Variants in PSPC1 observed in about 807,000 individuals in gnomAD.
PSPC1 encodes the protein paraspeckle component 1, also known as paraspeckle protein 1.
PSPC1 carries 14 observed loss-of-function variants against 51.6 expected under a neutral mutation model. That is an observed-to-expected ratio of 0.27 (90% CI 0.18 to 0.42). PSPC1 has a LOEUF of 0.42. Ranked by LOEUF, PSPC1 falls within the 10% of genes least tolerant of loss-of-function variation. PSPC1 has a pLI of 1.00. For synonymous variants in PSPC1, 193 were observed against 231.9 expected (o/e 0.83, Z 1.53); for missense variants, 406 against 701.1 (o/e 0.58, Z 4.75).
Position 19,719,125 on chromosome 13 carries a change from C to T in PSPC1, c.1159-9526G>A, listed in dbSNP as rs1222836442. Among the ~76,000 whole-genome samples the T allele has an allele frequency of 5.4e-5, 8 of 149,356 alleles. No individual in the cohort carries two copies. The East Asian group carries it at 6.0e-4, about 11-fold the overall frequency. ...AACGATAGACTTTGGTTGATAAGCA[C>T]GTGTCAATGTAGCTTCAGCAATTGT... On this transcript the variant is annotated intron_variant, in intron 6 of 8. Transcript: ENST00000338910.
intron 7 of PSPC1, among the ~76,000 whole-genome samples, chr13:19,677,547 G>T (rs1408220238): frequency 6.6e-6 from 1 of 152,190 alleles, no homozygotes; most frequent in African/African-American, 2.4e-5. Context: ...AGCTATAGAG[G>T]CTTCAGCTTC....
intron 4 of PSPC1, among the ~76,000 whole-genome samples, chr13:19,744,033 G>A (rs534083634): frequency 5.9e-5 from 9 of 152,244 alleles, no homozygotes; most frequent in Non-Finnish European, 7.4e-5. Context: ...ACTTGAACCC[G>A]GGAGGCGGAG....
intron 7 of PSPC1, among the ~76,000 whole-genome samples, chr13:19,676,130 A>G (rs935115533): frequency 2.0e-5 from 3 of 152,328 alleles, no homozygotes; most frequent in Admixed American, 6.5e-5. Flanking sequence ...GGCTTGATCT[A>G]TGCCACAGAC....
At position 19,677,006 on chromosome 13, in the gene PSPC1, G is replaced by A. The variant is rs185582308; in HGVS notation, c.*76+718C>T. Among the ~76,000 whole-genome samples, 1,516 of 152,184 alleles carry A rather than the reference G, an allele frequency of 1.0e-2. 25 individuals are homozygous for A. Among genetic ancestry groups the A allele is most frequent in the African/African-American group, 0.035 (1,443 of 41,530 alleles). On this transcript the variant is annotated intron_variant and NMD_transcript_variant, in intron 7 of 7. Transcript: ENST00000471658. ...TCCCAGCACTTTGGGAGGCCGAGGC[G>A]GGTGGATCACAAAGTCAGGAGATCG...
chr13:19,675,722 CAA>C (rs919137817), intron 7 of PSPC1: 2 of 152,122 alleles, frequency 1.3e-5, no homozygotes, highest in African/African-American at 2.4e-5. Flanking sequence ...TCTAAAGAAA[CAA>C]GAGCTTTCAG....
chr13:19,671,218 G>A (rs2137548497), downstream of PSPC1: 1 of 1,613,600 alleles, frequency 6.2e-7, no homozygotes, highest in Non-Finnish European at 8.5e-7. Context: ...CAGTCATTTT[G>A]TTTACTCATT....
chr13:19,724,061 A>G (rs1883076101), intron 6 of PSPC1, among the ~76,000 whole-genome samples: 1 of 152,250 alleles, frequency 6.6e-6, no homozygotes, highest in Non-Finnish European at 1.5e-5. Flanking sequence ...TGAAGAGGCC[A>G]TAAAAATCCC....
At chr13:19,723,388 A>G (rs998300795) in intron 6 of PSPC1, among the ~76,000 whole-genome samples, 2 of 152,216 alleles carry the variant, frequency 1.3e-5, no homozygotes, top group African/African-American at 4.8e-5. Context: ...AGATTTACAA[A>G]TATGAATGAT....
intron 1 of PSPC1, among the ~76,000 whole-genome samples, chr13:19,773,249 ATTTT>A (rs572248368): frequency 4.5e-5 from 6 of 133,936 alleles, no homozygotes; most frequent in Non-Finnish European, 9.5e-5. Flanking sequence ...TTTTTATCTC[ATTTT>A]TTTTTTTTTT....
Position 19,708,768 on chromosome 13 carries a change from TAC to T in PSPC1, c.1216+772_1216+773del, listed in dbSNP as rs1202029922. On this transcript the variant is annotated intron_variant, in intron 7 of 8. Coordinates refer to ENST00000338910, the MANE Select transcript of PSPC1 (RefSeq NM_001354909.2). ...AAGTGAAGGAAAACAGCTTCAAAGTTACACAAAAAGCTAGTTTAAGATAGAAA... is the reference window on the plus strand; with the variant it reads ...AAGTGAAGGAAAACAGCTTCAAAGTTACAAAAAGCTAGTTTAAGATAGAAA... 2.0e-5 allele frequency among the ~76,000 whole-genome samples: 3 copies of T among 152,302 alleles called. No homozygotes were observed. The East Asian group carries it at 5.8e-4, about 29-fold the overall frequency.
intron 4 of PSPC1, among the ~76,000 whole-genome samples, chr13:19,742,261 A>G (rs959665432): frequency 6.0e-5 from 1 of 16,588 alleles, no homozygotes; most frequent in African/African-American, 8.0e-5. Flanking sequence ...ACTCAATCTC[A>G]AAAAAAAAAA....
chr13:19,684,271 C>T (rs1320088440), intron 6 of PSPC1, among the ~76,000 whole-genome samples: 1 of 152,204 alleles, frequency 6.6e-6, no homozygotes, highest in Non-Finnish European at 1.5e-5. Context: ...CCATTGATCA[C>T]TGCATAATCA....
chr13:19,778,066 AC>A (rs1408527365), intron 1 of PSPC1, among the ~76,000 whole-genome samples: 1 of 151,320 alleles, frequency 6.6e-6, no homozygotes, highest in Admixed American at 6.6e-5. Flanking sequence ...ACATGGTGAA[AC>A]CCCGTCTCTA....
intron 6 of PSPC1, 52 bp from the exon 7 acceptor site, chr13:19,709,651 A>C: frequency 7.7e-7 from 1 of 1,302,178 alleles, no homozygotes; most frequent in Non-Finnish European, 1.1e-6. Flanking sequence ...ATGACTTTAC[A>C]TTTCCCATCT....
chr13:19,730,131 A>T, intron 6 of PSPC1, 108 bp downstream of exon 6: 2 of 796,466 alleles, frequency 2.5e-6, no homozygotes, highest in Non-Finnish European at 4.0e-6. Flanking sequence ...TGATGAATTT[A>T]GAAAGATTAG....
At position 19,703,207 on chromosome 13, in the gene PSPC1, A is replaced by C. The variant is rs1364072401; in HGVS notation, c.1540T>G (p.Phe514Val). Residue 514 changes from phenylalanine to valine, a missense_variant, in exon 9 of 9, where the codon TTT becomes GTT. This residue lies in a region of PSPC1 where 34 missense variants were observed against 158.6 expected (regional missense o/e 0.21). Coordinates refer to ENST00000338910, the MANE Select transcript of PSPC1 (RefSeq NM_001354909.2). ...GFGRGSQGGN[F>V]EGPNKRRRY ...CTACGACGCTTATTAGGGCCTTCAA[A>C]GTTGCCCCCTTGACTTCCTCTACCA... 2 of 1,614,124 alleles carry C rather than the reference A, an allele frequency of 1.2e-6. No homozygotes were observed. The highest frequency in any genetic ancestry group is 8.5e-7 in the Non-Finnish European group (1 of 1,179,994).
chr13:19,756,985 C>G (rs1354101929), intron 3 of PSPC1, among the ~76,000 whole-genome samples: 1 of 151,900 alleles, frequency 6.6e-6, no homozygotes, highest in Non-Finnish European at 1.5e-5. Flanking sequence ...AAAAAATTAG[C>G]CGGGCATGGT....
intron 7 of PSPC1, chr13:19,675,582 T>C (rs1876550361): frequency 6.6e-6 from 1 of 152,086 alleles, no homozygotes; most frequent in Admixed American, 6.5e-5. Flanking sequence ...AATTCATAAA[T>C]GAAGAAAGAT....
chr13:19,769,150 T>C (rs935992326), intron 2 of PSPC1, among the ~76,000 whole-genome samples: 7 of 149,754 alleles, frequency 4.7e-5, no homozygotes, highest in African/African-American at 1.7e-4. Flanking sequence ...AAAAGCAAAT[T>C]AACAAAAAAT....
Sources: allele counts gnomAD v4.1 joint callset (sites outside exome capture counted in the v4.1 genomes callset), GRCh38; gene constraint gnomAD v4.1.1; regional missense constraint gnomAD v4.1.1; transcripts MANE v1.5; gene names NCBI Gene and HGNC (gene_info 2026-07-23, HGNC 2026-07-21).